Variants in RP1 observed in about 807,000 individuals in gnomAD.
RP1 encodes the protein RP1 axonemal microtubule associated.
A neutral mutation model predicts 14.8 loss-of-function variants in RP1; 16 were observed. The observed-to-expected ratio is 1.08, with a 90% CI of 0.73 to 1.65. The LOEUF is 1.65. Among genes scored for constraint, RP1 ranks in the 40% most tolerant of loss-of-function variants. The pLI is 0.00. For missense variants in RP1, 2,631 were observed against 2,535.0 expected, an observed-to-expected ratio of 1.04 and a Z score of -0.81; for synonymous variants, 876 against 883.6, an observed-to-expected ratio of 0.99 and a Z score of 0.15.
intron 18 of RP1, among the ~76,000 whole-genome samples, chr8:54,735,820 G>T (rs539313818): frequency 6.6e-6 from 1 of 152,152 alleles, no homozygotes; most frequent in East Asian, 1.9e-4. Context: ...CCCCACAAAA[G>T]TCTAATTTTC....
At chr8:54,633,735 C>A (rs138055885), downstream of RP1, among the ~76,000 whole-genome samples, 16,630 of 125,124 alleles carry the variant, frequency 0.13, 1,107 homozygotes, top group Non-Finnish European at 0.17. Flanking sequence ...CTCTCTCTCT[C>A]TCTATATATA....
chr8:54,751,749 C>A (rs537768043), intron 19 of RP1, among the ~76,000 whole-genome samples: 16 of 152,192 alleles, frequency 1.1e-4, no homozygotes, highest in Admixed American at 2.6e-4. Context: ...GCCCTTCTTA[C>A]TAATTTAACG....
chr8:54,863,605 A>G (rs1812398670), intron 27 of RP1, among the ~76,000 whole-genome samples: 1 of 152,192 alleles, frequency 6.6e-6, no homozygotes, highest in Admixed American at 6.5e-5. Context: ...ACCACTCTGT[A>G]TTGACTGCTT....
rs1366966697 is a variant in RP1 at position 54,641,310 on chromosome 8, TTTTCTG to T, written c.788-7669_788-7664del. Reference sequence around the variant, plus strand: ...ATACCTATATCATGAAGGCTGATCCTTTTCTGTTTCTTTTTATTGTTATGTATATGA... The same window carrying T: ...ATACCTATATCATGAAGGCTGATCCTTTTCTTTTTATTGTTATGTATATGA... On this transcript the variant is annotated intron_variant, in intron 3 of 22. Coordinates refer to the RP1 transcript ENST00000636932. 2.6e-5 allele frequency among the ~76,000 whole-genome samples: 4 copies of T among 152,196 alleles called. No individual in the cohort carries two copies. The South Asian group carries it at 8.3e-4, about 31-fold the overall frequency.
chr8:54,868,177 G>A (rs1650275727), intron 28 of RP1, among the ~76,000 whole-genome samples: 1 of 152,132 alleles, frequency 6.6e-6, no homozygotes, highest in Non-Finnish European at 1.5e-5. Flanking sequence ...TAATTTTACT[G>A]GCAATGCAGA....
Position 54,746,816 on chromosome 8 carries a change from G to A in RP1, c.2808+7787G>A, listed in dbSNP as rs146798008. The stretch of plus-strand genomic sequence containing the variant: ...TTCTTACTATAAAATAGGGCTCAAC[G>A]GTACTTGGTATCTCACAAGTTGTGA... On this transcript the variant is annotated intron_variant, in intron 19 of 22. Coordinates refer to the RP1 transcript ENST00000636932. Among the ~76,000 whole-genome samples the A allele has an allele frequency of 6.1e-3, 932 of 152,108 alleles. 2 individuals carry two copies. Among genetic ancestry groups the A allele is most frequent in the Non-Finnish European group, 0.01 (683 of 67,988 alleles).
chr8:54,694,934 C>G (rs2129341062), intron 12 of RP1, among the ~76,000 whole-genome samples: 1 of 152,056 alleles, frequency 6.6e-6, no homozygotes, highest in East Asian at 1.9e-4. Flanking sequence ...TTGGATCTTT[C>G]CTGCTTTCTC....
At chr8:54,713,149 T>C (rs1187391091) in intron 15 of RP1, among the ~76,000 whole-genome samples, 3 of 152,178 alleles carry the variant, frequency 2.0e-5, no homozygotes, top group African/African-American at 7.2e-5. Context: ...TGTTGTAAAT[T>C]TGGAAACATT....
intron 17 of RP1, among the ~76,000 whole-genome samples, chr8:54,728,356 G>C (rs965134444): frequency 5.3e-5 from 8 of 152,122 alleles, no homozygotes; most frequent in Non-Finnish European, 2.9e-5. Context: ...TAGCTGTCAA[G>C]ACAGATTTGG....
At chr8:54,860,313 A>G (rs147399125) in intron 27 of RP1, among the ~76,000 whole-genome samples, 1 of 152,214 alleles carries the variant, frequency 6.6e-6, no homozygotes, top group Non-Finnish European at 1.5e-5. Flanking sequence ...CAGGTACGGG[A>G]GGGACAATAG....
chr8:54,860,963 C>A (rs183764615), intron 27 of RP1, among the ~76,000 whole-genome samples: 8 of 152,284 alleles, frequency 5.3e-5, no homozygotes, highest in Admixed American at 5.2e-4. Flanking sequence ...CAATGGGCTT[C>A]TCTGACTGGT....
At chr8:54,825,785 T>G (rs35246173) in intron 24 of RP1, among the ~76,000 whole-genome samples, 47,892 of 151,960 alleles carry the variant, frequency 0.32, 7,710 homozygotes, top group South Asian at 0.37. Flanking sequence ...TTGAGCTATA[T>G]AAGAGATAAA....
chr8:54,868,741 T>A (rs1006801575), intron 28 of RP1, among the ~76,000 whole-genome samples: 1 of 152,222 alleles, frequency 6.6e-6, no homozygotes, highest in Admixed American at 6.5e-5. Flanking sequence ...CTGGAGTGTT[T>A]GGAGCATTTA....
Position 54,621,231 on chromosome 8 carries a change from A to T in RP1, c.265A>T (p.Arg89Trp), listed in dbSNP as rs1236093976. 1 of 1,614,018 alleles carries T rather than the reference A, an allele frequency of 6.2e-7. No individual in the cohort carries two copies. The highest frequency in any genetic ancestry group is 8.5e-7 in the Non-Finnish European group (1 of 1,180,030). ...GAGGAACATCAGCACCCCTCGGGGC[A>T]GGCACAGCATCACGCGCCTGGAGGA... ...GVRNISTPRG[R>W]HSITRLEELE... is the part of the protein sequence containing the mutation. Residue 89 changes from arginine (R) to tryptophan (W), a missense_variant, in exon 2 of 4, where the codon AGG becomes TGG. Physicochemically the swap from Arg to Trp is moderately radical, Grantham distance 101. Transcript: ENST00000220676.
At chr8:54,853,644 A>G (rs1205794230) in intron 26 of RP1, among the ~76,000 whole-genome samples, 1 of 152,030 alleles carries the variant, frequency 6.6e-6, no homozygotes, top group Admixed American at 6.6e-5. Flanking sequence ...ATATTATTGG[A>G]AAAAAATTTA....
chr8:54,722,116 G>C (rs1452019282), intron 16 of RP1, among the ~76,000 whole-genome samples: 1 of 151,586 alleles, frequency 6.6e-6, no homozygotes, highest in Non-Finnish European at 1.5e-5. Flanking sequence ...GGTGGTGCAC[G>C]CCTGTAATCC....
At chr8:54,780,539 T>C (rs1039213700) in intron 23 of RP1, among the ~76,000 whole-genome samples, 1 of 152,236 alleles carries the variant, frequency 6.6e-6, no homozygotes, top group Non-Finnish European at 1.5e-5. Flanking sequence ...ATTCATGGAT[T>C]CAACCAACAG....
intron 24 of RP1, among the ~76,000 whole-genome samples, chr8:54,815,684 AGT>A (rs1811119995): frequency 6.6e-6 from 1 of 152,034 alleles, no homozygotes; most frequent in African/African-American, 2.4e-5. Flanking sequence ...CAAAAACAGA[AGT>A]GTGTGTGTAT....
intron 24 of RP1, among the ~76,000 whole-genome samples, chr8:54,785,094 A>G (rs1023351259): frequency 6.6e-6 from 1 of 152,070 alleles, no homozygotes; most frequent in African/African-American, 2.4e-5. Flanking sequence ...TGTACTAAAC[A>G]ATCACCACAA....
Sources: gnomAD v4.1 joint callset for allele counts (sites outside exome capture counted in the v4.1 genomes callset) on GRCh38, gnomAD v4.1.1 for gene constraint, MANE v1.5 for transcripts, NCBI Gene and HGNC (gene_info 2026-07-23, HGNC 2026-07-21) for gene names.